Variants in DLGAP2 observed in about 807,000 individuals in gnomAD.
DLGAP2 encodes DLG associated protein 2, also known as disks large-associated protein 2.
In DLGAP2, 26 loss-of-function variants were observed where a neutral mutation model predicts 100.3. The ratio of observed to expected loss-of-function variants is 0.26; its 90% confidence interval spans 0.19 to 0.36. DLGAP2 has a LOEUF of 0.36. Among genes scored for constraint, DLGAP2 ranks in the 10% least tolerant of loss-of-function variants. DLGAP2 has a pLI of 1.00. For missense variants in DLGAP2, 1,858 were observed against 1,453.2 expected (o/e 1.28, Z -4.53); for synonymous variants, 886 against 630.1 (o/e 1.41, Z -6.08).
At chr8:1,056,331 G>A (rs1255489963) in intron 2 of DLGAP2, among the ~76,000 whole-genome samples, 6 of 152,082 alleles carry the variant, frequency 3.9e-5, no homozygotes, top group Admixed American at 3.9e-4. Flanking sequence ...CCGTGCATGT[G>A]GTGGAGGGTG....
intron 2 of DLGAP2, among the ~76,000 whole-genome samples, chr8:1,173,119 G>T (rs1467410786): frequency 3.3e-5 from 5 of 152,196 alleles, no homozygotes; most frequent in African/African-American, 1.2e-4. Context: ...CTCAGCTGCA[G>T]GTCTGTTGGA....
rs372087149 is a variant in DLGAP2 at position 793,926 on chromosome 8, T to C, written c.18+56101T>C. Among the ~76,000 whole-genome samples the C allele has an allele frequency of 7.2e-5, 11 of 152,338 alleles. 1 individual carries two copies. The South Asian group carries it at 2.3e-3, about 32-fold the overall frequency. Reference sequence around the variant, plus strand: ...GCTGAGCTGGGGGCTCTCCCTCTATTGTGGGTTTTCTTCGCCTGCCATACG... The same window carrying C: ...GCTGAGCTGGGGGCTCTCCCTCTATCGTGGGTTTTCTTCGCCTGCCATACG... On this transcript the variant is annotated intron_variant, in intron 1 of 14. Transcript: ENST00000637795.
At chr8:1,214,196 CTT>C (rs1156338901) in intron 2 of DLGAP2, among the ~76,000 whole-genome samples, 1 of 152,180 alleles carries the variant, frequency 6.6e-6, no homozygotes, top group Non-Finnish European at 1.5e-5. Flanking sequence ...CAGCAGGTGT[CTT>C]TTATTCTTCA....
intron 2 of DLGAP2, among the ~76,000 whole-genome samples, chr8:1,203,027 G>A (rs56070019): frequency 0.56 from 85,720 of 151,804 alleles, 26,564 homozygotes; most frequent in African/African-American, 0.83. Context: ...TCCATCTGCC[G>A]GGCACCCACA....
At position 1,701,915 on chromosome 8, in the gene DLGAP2, C is replaced by G. The variant is rs1316637653; in HGVS notation, c.*509C>G. 6.5e-6 allele frequency: 1 copy of G among 152,884 alleles called. No homozygotes were observed. The highest frequency in any genetic ancestry group is 1.5e-5 in the Non-Finnish European group (1 of 68,630). The allele number at this position is 152,884 out of a possible 1,614,324, so 9.5% of individuals were successfully genotyped here. A position where few individuals can be genotyped will look rare whatever the true frequency, so the allele number is the denominator to read the frequency against. The stretch of plus-strand genomic sequence containing the variant: ...CCCCTCGCACAGCCGAGCTTTTACT[C>G]CCTGAGCACGGGCCGCTCCGCTCCC... On this transcript the variant is annotated 3_prime_UTR_variant, in exon 15 of 15. Transcript: ENST00000637795.
In DLGAP2 at chr8:854,875, C is replaced by T. The variant is rs543666785; in HGVS notation, c.19-53037C>T. Among the ~76,000 whole-genome samples the T allele has an allele frequency of 9.8e-5, 15 of 152,338 alleles. No individual in the cohort carries two copies. In the South Asian group the frequency reaches 2.9e-3, roughly 29 times the overall value. On this transcript the variant is annotated intron_variant, in intron 1 of 14. Transcript: ENST00000637795. ...GCTTCCCACATGGGAAATGCTCCCA[C>T]AGGTATCAGGAAACAGTAGTGAGGA...
At chr8:1,356,296 G>T (rs981737425) in intron 3 of DLGAP2, among the ~76,000 whole-genome samples, 1 of 152,222 alleles carries the variant, frequency 6.6e-6, no homozygotes, top group Admixed American at 6.5e-5. Context: ...TTTTGCAGCT[G>T]TATCACTCCC....
At chr8:1,112,661 G>A (rs2167504) in intron 2 of DLGAP2, among the ~76,000 whole-genome samples, 35,560 of 152,174 alleles carry the variant, frequency 0.23, 4,417 homozygotes, top group East Asian at 0.47. Flanking sequence ...TCCCATTCTA[G>A]TAGTTTGTCT....
intron 3 of DLGAP2, among the ~76,000 whole-genome samples, chr8:1,337,477 G>GT (rs1801314236): frequency 6.5e-5 from 1 of 15,402 alleles, no homozygotes; most frequent in African/African-American, 2.6e-4. Context: ...GAGGATGATG[G>GT]GGATGGGGAT....
chr8:1,254,655 G>T (rs1799130212), intron 2 of DLGAP2, among the ~76,000 whole-genome samples: 1 of 151,802 alleles, frequency 6.6e-6, no homozygotes, highest in African/African-American at 2.4e-5. Context: ...GCAGTTTTTT[G>T]TCTGTATGAC....
chr8:1,242,153 C>T (rs1488959356), intron 2 of DLGAP2, among the ~76,000 whole-genome samples: 2 of 152,136 alleles, frequency 1.3e-5, no homozygotes, highest in South Asian at 2.1e-4. Context: ...AACAACAGAA[C>T]ATTAATTAAC....
intron 3 of DLGAP2, among the ~76,000 whole-genome samples, chr8:1,436,435 T>C (rs1032134363): frequency 1.3e-5 from 2 of 152,142 alleles, no homozygotes; most frequent in African/African-American, 4.8e-5. Flanking sequence ...GGCAGCCGAA[T>C]AGATGGTGCC....
chr8:1,607,308 A>G (rs1423707893), intron 6 of DLGAP2, among the ~76,000 whole-genome samples: 2 of 152,178 alleles, frequency 1.3e-5, no homozygotes, highest in African/African-American at 4.8e-5. Flanking sequence ...CTATCTTAAA[A>G]TGTGTATGTT....
chr8:1,004,118 A>G lies in DLGAP2; in HGVS notation c.73+96152A>G, dbSNP rs575029265. On this transcript the variant is annotated intron_variant, in intron 2 of 14. Transcript: ENST00000637795. ...TGGCTTTTATAGTATTAAAACAAAA[A>G]TTTAATTTCCTAAAGCTTTTTCCAT... Among the ~76,000 whole-genome samples, 186 of 152,318 alleles carry G rather than the reference A, an allele frequency of 1.2e-3. 2 individuals carry two copies. The highest frequency in any genetic ancestry group is 4.2e-3 in the African/African-American group (175 of 41,566).
At position 1,216,112 on chromosome 8, in the gene DLGAP2, C is replaced by G. The variant is rs186279666; in HGVS notation, c.74-42739C>G. On this transcript the variant is annotated intron_variant, in intron 2 of 14. Transcript: ENST00000637795. ...AATTTGTGAAAGGAGGTTCTGTTTT[C>G]TCAGTTGTAAAGGGTGTGTCTAGAC... Among the ~76,000 whole-genome samples the G allele has an allele frequency of 5.9e-5, 9 of 152,330 alleles. No individual in the cohort carries two copies. The East Asian group carries it at 1.5e-3, about 26-fold the overall frequency.
At chr8:1,345,529 A>G (rs964268172) in intron 3 of DLGAP2, among the ~76,000 whole-genome samples, 1 of 152,236 alleles carries the variant, frequency 6.6e-6, no homozygotes, top group Non-Finnish European at 1.5e-5. Flanking sequence ...TGTTGTACAC[A>G]TTTTAATCTG....
chr8:1,669,207 G>T (rs905565121), intron 9 of DLGAP2, among the ~76,000 whole-genome samples: 2 of 152,204 alleles, frequency 1.3e-5, no homozygotes, highest in Non-Finnish European at 2.9e-5. Flanking sequence ...CCCTCAGCTG[G>T]GGTCACAGAT....
chr8:759,692 C>T lies in DLGAP2; in HGVS notation c.18+21867C>T, dbSNP rs576818412. 2.6e-5 allele frequency among the ~76,000 whole-genome samples: 4 copies of T among 152,324 alleles called. No individual in the cohort carries two copies. In the East Asian group the frequency reaches 5.8e-4, roughly 22 times the overall value. ...GGCGGTTTCCCCATGTGACTCCCTG[C>T]GACTGGTTCCTGTGTGTAGCTCTGT... is the stretch of plus-strand genomic sequence containing the variant. On this transcript the variant is annotated intron_variant, in intron 1 of 14. Transcript: ENST00000637795.
intron 3 of DLGAP2, among the ~76,000 whole-genome samples, chr8:1,417,116 C>CCGTT (rs1796910561): frequency 6.6e-6 from 1 of 152,106 alleles, no homozygotes; most frequent in South Asian, 2.1e-4. Flanking sequence ...GGGGAGACCC[C>CCGTT]CGTTCATTCA....
Sources: gnomAD v4.1 joint callset for allele counts (sites outside exome capture counted in the v4.1 genomes callset) on GRCh38, gnomAD v4.1.1 for gene constraint, MANE v1.5 for transcripts, NCBI Gene and HGNC (gene_info 2026-07-23, HGNC 2026-07-21) for gene names.